Variants in TAFA2 observed in about 807,000 individuals in gnomAD.
TAFA2 encodes TAFA chemokine like family member 2, also known as chemokine-like protein TAFA-2.
TAFA2 carries 7 observed loss-of-function variants against 18.8 expected under a neutral mutation model. That is an observed-to-expected ratio of 0.37 (90% CI 0.21 to 0.70). The LOEUF (loss-of-function observed/expected upper bound fraction) is 0.70, where lower values mean the gene tolerates loss of function less well. TAFA2 is among the 30% of genes least tolerant of loss of function. TAFA2 has a pLI of 0.53. For missense variants in TAFA2, 122 were observed against 158.1 expected (o/e 0.77, Z 1.23); for synonymous variants, 60 against 54.2 (o/e 1.11, Z -0.47).
chr12:61,868,597 T>C (rs1874457490), intron 1 of TAFA2, among the ~76,000 whole-genome samples: 1 of 152,126 alleles, frequency 6.6e-6, no homozygotes, highest in Non-Finnish European at 1.5e-5. Flanking sequence ...CTCCAAAACA[T>C]TCTATCTCCA....
chr12:62,000,261 A>T (rs1007298440), intron 1 of TAFA2, among the ~76,000 whole-genome samples: 6 of 147,384 alleles, frequency 4.1e-5, no homozygotes, highest in Middle Eastern at 3.6e-3. Flanking sequence ...TCATTATCCT[A>T]ACTATATTAA....
At chr12:62,025,726 A>G (rs1298467875) in intron 1 of TAFA2, among the ~76,000 whole-genome samples, 6 of 152,122 alleles carry the variant, frequency 3.9e-5, no homozygotes. Context: ...CTTGCATTTT[A>G]AAGGCATCTA....
chr12:61,968,351 T>C (rs1423511214), intron 1 of TAFA2, among the ~76,000 whole-genome samples: 1 of 151,796 alleles, frequency 6.6e-6, no homozygotes, highest in Non-Finnish European at 1.5e-5. Flanking sequence ...AGCATTTTCT[T>C]GGAGCTCCAT....
intron 1 of TAFA2, among the ~76,000 whole-genome samples, chr12:61,990,941 G>A (rs1879988400): frequency 6.6e-6 from 1 of 152,138 alleles, no homozygotes; most frequent in Non-Finnish European, 1.5e-5. Context: ...GAGAATGAAT[G>A]GAAATGGAGA....
intron 4 of TAFA2, among the ~76,000 whole-genome samples, chr12:61,738,152 A>G (rs931536942): frequency 2.0e-5 from 3 of 152,016 alleles, no homozygotes. Context: ...CATTAACGTT[A>G]TATTAGTAAT....
chr12:61,719,517 C>T (rs181731858), intron 4 of TAFA2, among the ~76,000 whole-genome samples: 187 of 152,262 alleles, frequency 1.2e-3, no homozygotes, highest in Non-Finnish European at 1.9e-3. Context: ...GCATCCCCAA[C>T]CAACAGTAGC....
chr12:61,955,527 G>A (rs945200542), intron 1 of TAFA2, among the ~76,000 whole-genome samples: 3 of 140,016 alleles, frequency 2.1e-5, no homozygotes, highest in Non-Finnish European at 3.0e-5. Flanking sequence ...GCTTGAACCT[G>A]GGAGGTGGAG....
At chr12:61,830,840 T>C (rs1872695070) in intron 2 of TAFA2, among the ~76,000 whole-genome samples, 1 of 152,064 alleles carries the variant, frequency 6.6e-6, no homozygotes, top group Non-Finnish European at 1.5e-5. Flanking sequence ...GATGAAGATA[T>C]TTCACTTCGG....
intron 1 of TAFA2, among the ~76,000 whole-genome samples, chr12:62,161,720 A>T (rs2062408310): frequency 6.6e-6 from 1 of 152,220 alleles, no homozygotes; most frequent in Non-Finnish European, 1.5e-5. Flanking sequence ...GGGTAAAATA[A>T]AAAAAGACAA....
chr12:61,859,504 C>G (rs755750333), intron 2 of TAFA2, among the ~76,000 whole-genome samples: 3 of 152,188 alleles, frequency 2.0e-5, no homozygotes, highest in Non-Finnish European at 4.4e-5. Context: ...AGTGCAGTGG[C>G]GTGATCTCGG....
At chr12:62,161,645 A>C (rs1174679190) in intron 1 of TAFA2, among the ~76,000 whole-genome samples, 1 of 151,552 alleles carries the variant, frequency 6.6e-6, no homozygotes, top group African/African-American at 2.4e-5. Context: ...TGACTTGGCC[A>C]CTACACAATC....
chr12:62,046,193 AC>A (rs1295678536), intron 1 of TAFA2, among the ~76,000 whole-genome samples: 2 of 152,190 alleles, frequency 1.3e-5, no homozygotes, highest in East Asian at 3.9e-4. Context: ...ATATTATTTG[AC>A]CCCAAAATTC....
chr12:61,807,943 G>A (rs1871694495), intron 2 of TAFA2, among the ~76,000 whole-genome samples: 1 of 151,516 alleles, frequency 6.6e-6, no homozygotes, highest in Non-Finnish European at 1.5e-5. Context: ...GAAGGGACTT[G>A]CCTTGTCTCA....
intron 1 of TAFA2, among the ~76,000 whole-genome samples, chr12:62,107,960 T>G (rs770828188): frequency 6.6e-6 from 1 of 152,178 alleles, no homozygotes; most frequent in African/African-American, 2.4e-5. Context: ...ATGGCTTTTT[T>G]ACCACACTTT....
chr12:62,161,013 T>A (rs868029836), intron 1 of TAFA2, among the ~76,000 whole-genome samples: 36 of 152,300 alleles, frequency 2.4e-4, no homozygotes, highest in Middle Eastern at 3.4e-3. Flanking sequence ...TCTGCAAGAA[T>A]CATATGAATG....
At chr12:62,211,777 T>C (rs989798143) in intron 1 of TAFA2, among the ~76,000 whole-genome samples, 2 of 152,148 alleles carry the variant, frequency 1.3e-5, no homozygotes, top group African/African-American at 2.4e-5. Flanking sequence ...ACTATAGATA[T>C]AGATTAGACC....
At chr12:61,895,859 C>G (rs1291132576) in intron 1 of TAFA2, among the ~76,000 whole-genome samples, 1 of 151,946 alleles carries the variant, frequency 6.6e-6, no homozygotes, top group Middle Eastern at 3.4e-3. Context: ...TAAAATATAA[C>G]CAGTAATCTA....
chr12:62,012,263 A>G (rs1444245), intron 1 of TAFA2, among the ~76,000 whole-genome samples: 63,115 of 151,998 alleles, frequency 0.42, 13,684 homozygotes, highest in Non-Finnish European at 0.47. Context: ...ACTTTAATAA[A>G]TCTGTTTTTT....
At chr12:62,196,795 T>A (rs552520851), upstream of TAFA2, among the ~76,000 whole-genome samples, 172 of 152,234 alleles carry the variant, frequency 1.1e-3, no homozygotes, top group Middle Eastern at 0.014. Flanking sequence ...AGTGAGCACA[T>A]GCTGCTGAAA....
Sources: allele counts gnomAD v4.1 joint callset (sites outside exome capture counted in the v4.1 genomes callset), GRCh38; gene constraint gnomAD v4.1.1; transcripts MANE v1.5; gene names NCBI Gene and HGNC (gene_info 2026-07-23, HGNC 2026-07-21).